Variants in LTBP1 observed in about 807,000 individuals in gnomAD.
The protein encoded by LTBP1 is latent-transforming growth factor beta-binding protein 1.
LTBP1 carries 129 observed loss-of-function variants against 207.6 expected under a neutral mutation model. The observed-to-expected ratio is 0.62, with a 90% CI of 0.54 to 0.72. LTBP1 has a LOEUF of 0.72. Ranked by LOEUF, LTBP1 falls within the 30% of genes least tolerant of loss-of-function variation. The pLI is 0.00. For synonymous variants in LTBP1, 963 were observed against 833.7 expected (o/e 1.16, Z -2.67); for missense variants, 2,281 against 2,217.2 (o/e 1.03, Z -0.58).
At chr2:33,267,579 C>G (rs1041918650) in intron 15 of LTBP1, among the ~76,000 whole-genome samples, 1 of 152,036 alleles carries the variant, frequency 6.6e-6, no homozygotes, top group African/African-American at 2.4e-5. Context: ...TTTTGGACAG[C>G]AAGGATCTTC....
rs200975631 is a variant in LTBP1, at chr2:33,288,854, CAAAAAA to C, written c.3113-4295_3113-4290del. On this transcript the variant is annotated intron_variant, in intron 19 of 33. Coordinates refer to ENST00000404816, the MANE Select transcript of LTBP1 (RefSeq NM_206943.4). ...TGGGTGACAGAGCGAGACTCTGTCT[CAAAAAA>C]AAAAAAAAAAGAAAAAAGAAAAGAA... is the stretch of plus-strand genomic sequence containing the variant. Among the ~76,000 whole-genome samples, 42 of 73,068 alleles carry C rather than the reference CAAAAAA, an allele frequency of 5.7e-4. No homozygotes were observed. The East Asian group carries it at 0.013, about 23-fold the overall frequency. The allele number at this position is 73,068 out of a possible 152,430, so 47.9% of individuals were successfully genotyped here.
intron 3 of LTBP1, among the ~76,000 whole-genome samples, chr2:33,046,532 A>AT (rs1423144255): frequency 6.6e-6 from 1 of 151,772 alleles, no homozygotes; most frequent in Non-Finnish European, 1.5e-5. Flanking sequence ...TTTATGGAGG[A>AT]TTTTTGCATT....
chr2:33,316,057 A>T (rs1406421340), intron 24 of LTBP1, among the ~76,000 whole-genome samples: 2 of 152,208 alleles, frequency 1.3e-5, no homozygotes, highest in African/African-American at 4.8e-5. Flanking sequence ...ACCAGTATTT[A>T]TTATCTCCTA....
chr2:33,097,232 C>G (rs903085162), intron 3 of LTBP1, among the ~76,000 whole-genome samples: 1 of 152,074 alleles, frequency 6.6e-6, no homozygotes, highest in Non-Finnish European at 1.5e-5. Context: ...TAAAATGTTT[C>G]AATATTACCC....
intron 10 of LTBP1, among the ~76,000 whole-genome samples, chr2:33,247,910 C>A (rs2092561835): frequency 6.6e-6 from 1 of 152,244 alleles, no homozygotes; most frequent in Non-Finnish European, 1.5e-5. Context: ...GCTTTCCTTC[C>A]AGACTTGATA....
At chr2:33,036,018 T>C (rs1386207644) in intron 3 of LTBP1, among the ~76,000 whole-genome samples, 1 of 152,242 alleles carries the variant, frequency 6.6e-6, no homozygotes, top group Non-Finnish European at 1.5e-5. Context: ...TTTAGGTATA[T>C]CTGGATACTG....
At chr2:33,042,663 G>A (rs2076247283) in intron 3 of LTBP1, among the ~76,000 whole-genome samples, 2 of 152,276 alleles carry the variant, frequency 1.3e-5, no homozygotes, top group South Asian at 2.1e-4. Flanking sequence ...CAGACCAATG[G>A]GAGGTTTCTG....
chr2:33,288,364 T>C (rs1573635636), intron 19 of LTBP1, among the ~76,000 whole-genome samples: 1 of 152,198 alleles, frequency 6.6e-6, no homozygotes, highest in African/African-American at 2.4e-5. Context: ...GACAGTCTGG[T>C]ATGTTCCCAG....
intron 3 of LTBP1, among the ~76,000 whole-genome samples, chr2:33,036,661 T>C (rs2075941265): frequency 6.6e-6 from 1 of 152,170 alleles, no homozygotes; most frequent in African/African-American, 2.4e-5. Flanking sequence ...TTTCACCATG[T>C]TGGCCAGTCT....
chr2:33,365,269 C>T (rs1051760696), intron 30 of LTBP1, 64 bp from the exon 31 acceptor site: 1 of 1,434,740 alleles, frequency 7.0e-7, no homozygotes, highest in African/African-American at 1.4e-5. Flanking sequence ...TGCTGGCTTC[C>T]AACACAGTGT....
At chr2:33,258,126 A>G (rs2092912642) in intron 12 of LTBP1, among the ~76,000 whole-genome samples, 1 of 152,198 alleles carries the variant, frequency 6.6e-6, no homozygotes, top group Non-Finnish European at 1.5e-5. Flanking sequence ...TTTAAGGCTT[A>G]TACTTGAGAG....
chr2:32,947,877 A>G (rs1676467204), intron 1 of LTBP1, 59 bp downstream of exon 1: 1 of 1,259,216 alleles, frequency 7.9e-7, no homozygotes, highest in East Asian at 3.3e-5. Context: ...CCGCGGAGGG[A>G]CCTGCGGGGT....
chr2:32,997,263 C>T (rs370495311), intron 2 of LTBP1, among the ~76,000 whole-genome samples: 8 of 151,918 alleles, frequency 5.3e-5, no homozygotes, highest in South Asian at 2.1e-4. Context: ...GTAATCTCAC[C>T]GCTTTGGGAG....
intron 9 of LTBP1, among the ~76,000 whole-genome samples, chr2:33,242,624 C>A (rs1244622862): frequency 6.6e-6 from 1 of 151,206 alleles, no homozygotes; most frequent in Non-Finnish European, 1.5e-5. Context: ...TCCTTGACTC[C>A]TTTCTCTTAC....
Position 33,126,263 on chromosome 2 carries a change from C to A in LTBP1, c.1034-8530C>A, listed in dbSNP as rs114375947. On this transcript the variant is annotated intron_variant, in intron 4 of 33. Coordinates refer to ENST00000404816, the MANE Select transcript of LTBP1 (RefSeq NM_206943.4). ...TTTATTTATTTTTTAGAAACAGGGT[C>A]TTGCTATATTGCCAGGGTTAGTCTC... Among the ~76,000 whole-genome samples, 1,231 of 152,194 alleles carry A rather than the reference C, an allele frequency of 8.1e-3. 12 individuals are homozygous for A. Among genetic ancestry groups the A allele is most frequent in the East Asian group, 0.014 (72 of 5,172 alleles).
intron 5 of LTBP1, among the ~76,000 whole-genome samples, chr2:33,178,471 G>A (rs550571982): frequency 1.3e-5 from 2 of 152,114 alleles, no homozygotes; most frequent in Admixed American, 6.5e-5. Flanking sequence ...TATCTCCTGG[G>A]TTATAAACAG....
rs190825437 is a variant in LTBP1 at position 33,277,506 on chromosome 2, T to C, written c.2992+1583T>C. On this transcript the variant is annotated intron_variant, in intron 18 of 33. Transcript: ENST00000404816. ...AAAATAGGAACCATGAAGTTAACTTTCCAGGTTTTCATGAAAATAACTTCA... is the reference window on the plus strand; with the variant it reads ...AAAATAGGAACCATGAAGTTAACTTCCCAGGTTTTCATGAAAATAACTTCA... Among the ~76,000 whole-genome samples the C allele has an allele frequency of 6.0e-3, 913 of 152,242 alleles. 9 individuals are homozygous for C. Among genetic ancestry groups the C allele is most frequent in the Middle Eastern group, 0.01 (3 of 294 alleles).
intron 3 of LTBP1, among the ~76,000 whole-genome samples, chr2:33,037,745 C>T (rs573608785): frequency 5.3e-5 from 8 of 152,200 alleles, no homozygotes; most frequent in African/African-American, 1.9e-4. Flanking sequence ...TGAGAAAAGG[C>T]CTCACTCTGT....
At chr2:33,233,234 G>A (rs776739449) in intron 9 of LTBP1, among the ~76,000 whole-genome samples, 1 of 151,594 alleles carries the variant, frequency 6.6e-6, no homozygotes, top group Non-Finnish European at 1.5e-5. Context: ...TCTCTTTTTC[G>A]CTGCATTTTG....
Sources: gnomAD v4.1 joint callset for allele counts (sites outside exome capture counted in the v4.1 genomes callset) on GRCh38, gnomAD v4.1.1 for gene constraint, MANE v1.5 for transcripts, NCBI Gene and HGNC (gene_info 2026-07-23, HGNC 2026-07-21) for gene names.